Variants in AATF observed in about 807,000 individuals in gnomAD.
AATF encodes protein AATF.
AATF carries 48 observed loss-of-function variants against 63.7 expected under a neutral mutation model. The ratio of observed to expected loss-of-function variants is 0.75; its 90% CI spans 0.60 to 0.96. AATF has a LOEUF of 0.96. AATF is among the 40% of genes least tolerant of loss of function. The probability of loss-of-function intolerance (pLI) is 0.00; values close to 1 mark genes in which losing one functional copy is unlikely to be tolerated. For missense variants in AATF, 639 were observed against 685.7 expected, an observed-to-expected ratio of 0.93 and a Z score of 0.76; for synonymous variants, 258 against 247.7, an observed-to-expected ratio of 1.04 and a Z score of -0.39.
chr17:37,011,874 G>A lies in AATF; in HGVS notation c.1399-7131G>A, dbSNP rs922464375. 5.3e-5 allele frequency among the ~76,000 whole-genome samples: 8 copies of A among 152,138 alleles called. 1 individual carries two copies. The South Asian group carries it at 8.3e-4, about 16-fold the overall frequency. The stretch of plus-strand genomic sequence containing the variant: ...TATTAGGTGGTGGAGTTGTTGGTTC[G>A]GGAGTGAATGGGCAATGTGGAGTGG... On this transcript the variant is annotated intron_variant, in intron 8 of 11. Coordinates refer to ENST00000619387, the MANE Select transcript of AATF (RefSeq NM_012138.4).
Position 37,018,992 on chromosome 17 carries a change from CT to C in AATF, c.1399-8del, listed in dbSNP as rs758996959. ...GATGATAAATAAATTCGTTGCTTTC[CT>C]TTTTCCCCTAGCTCCTTCGAGAACT... On this transcript the variant is annotated splice_polypyrimidine_tract_variant and intron_variant, in intron 8 of 11. Coordinates refer to ENST00000619387, the MANE Select transcript of AATF (RefSeq NM_012138.4). The C allele has an allele frequency of 6.2e-7, 1 of 1,612,852 alleles. No individual in the cohort carries two copies. The highest frequency in any genetic ancestry group is 8.5e-7 in the Non-Finnish European group (1 of 1,178,974).
chr17:36,958,180 TG>T (rs2070917765), intron 4 of AATF, among the ~76,000 whole-genome samples: 1 of 152,044 alleles, frequency 6.6e-6, no homozygotes, highest in East Asian at 1.9e-4. Flanking sequence ...CTTTTTTTTT[TG>T]AGATGGAGTC....
chr17:37,014,612 A>G (rs189780870), intron 8 of AATF, among the ~76,000 whole-genome samples: 301 of 152,216 alleles, frequency 2.0e-3, no homozygotes, highest in African/African-American at 6.5e-3. Context: ...CTGGTGTTCT[A>G]CATTTCATGA....
At chr17:37,043,111 A>G (rs1477567834) in intron 11 of AATF, 3 of 151,634 alleles carry the variant, frequency 2.0e-5, no homozygotes, top group Admixed American at 2.0e-4. Flanking sequence ...CTGTATTCTC[A>G]TCAGTTCTGT....
In AATF at chr17:37,056,707, G is replaced by A. The variant is rs558937924; in HGVS notation, c.*43G>A. On this transcript the variant is annotated 3_prime_UTR_variant, in exon 12 of 12. Coordinates refer to ENST00000619387, the MANE Select transcript of AATF (RefSeq NM_012138.4). ...ACCCAGTGGGCGCCTTGGCTGGTGC[G>A]GCTGCTGGTCCAGATGGAGGAAACC... is the stretch of plus-strand genomic sequence containing the variant. 45 of 1,601,826 alleles carry A rather than the reference G, an allele frequency of 2.8e-5. No individual in the cohort carries two copies. In the East Asian group the frequency reaches 3.3e-4, roughly 12 times the overall value.
At chr17:36,989,670 A>G (rs920149739) in intron 7 of AATF, among the ~76,000 whole-genome samples, 14 of 152,188 alleles carry the variant, frequency 9.2e-5, no homozygotes, top group Non-Finnish European at 2.1e-4. Context: ...AGAAGCATTC[A>G]TAATCCAATT....
At chr17:36,960,035 A>G (rs1317729156) in intron 4 of AATF, among the ~76,000 whole-genome samples, 4 of 151,184 alleles carry the variant, frequency 2.6e-5, no homozygotes, top group African/African-American at 9.8e-5. Flanking sequence ...CCCCCCCGAG[A>G]TGGAGTCTTG....
intron 4 of AATF, among the ~76,000 whole-genome samples, chr17:36,984,961 GCA>G: frequency 6.6e-6 from 1 of 150,804 alleles, no homozygotes; most frequent in Middle Eastern, 3.2e-3. Context: ...GAGTAAAGTG[GCA>G]CAGTCTCAGC....
chr17:37,025,409 CAA>C (rs1337143567), intron 10 of AATF, among the ~76,000 whole-genome samples: 1 of 151,972 alleles, frequency 6.6e-6, no homozygotes, highest in African/African-American at 2.4e-5. Context: ...TACAGAGTGA[CAA>C]GAGTAGAATC....
chr17:36,952,562 A>T (rs1172339628), intron 2 of AATF, among the ~76,000 whole-genome samples: 1 of 152,212 alleles, frequency 6.6e-6, no homozygotes, highest in African/African-American at 2.4e-5. Flanking sequence ...GCTTAAATTC[A>T]CTTGCCCCAC....
chr17:37,037,929 T>C (rs545802418), intron 11 of AATF, among the ~76,000 whole-genome samples: 2 of 152,286 alleles, frequency 1.3e-5, no homozygotes, highest in East Asian at 1.9e-4. Context: ...TCTCTCTTGC[T>C]CCTGCTGTGG....
intron 4 of AATF, among the ~76,000 whole-genome samples, chr17:36,984,179 T>C (rs1486642485): frequency 6.6e-6 from 1 of 152,202 alleles, no homozygotes; most frequent in African/African-American, 2.4e-5. Context: ...AATGTCGGGA[T>C]TGTTGAACGG....
At chr17:36,980,628 T>G (rs879245311) in intron 4 of AATF, among the ~76,000 whole-genome samples, 1 of 152,216 alleles carries the variant, frequency 6.6e-6, no homozygotes, top group Non-Finnish European at 1.5e-5. Flanking sequence ...GTGGTTTTTT[T>G]TTAAATGTGT....
chr17:36,994,931 G>A (rs1193114603), intron 8 of AATF, among the ~76,000 whole-genome samples: 9 of 152,180 alleles, frequency 5.9e-5, no homozygotes, highest in Non-Finnish European at 1.0e-4. Context: ...CAAGATCCTC[G>A]TATTGTGATG....
intron 4 of AATF, among the ~76,000 whole-genome samples, chr17:36,985,481 CTG>C (rs755588755): frequency 7.3e-4 from 109 of 149,556 alleles, no homozygotes; most frequent in Middle Eastern, 3.4e-3. Flanking sequence ...CGGGGTCTCA[CTG>C]TGTTGCTGAG....
At chr17:36,996,119 C>T (rs1341248575) in intron 8 of AATF, among the ~76,000 whole-genome samples, 1 of 152,104 alleles carries the variant, frequency 6.6e-6, no homozygotes, top group Non-Finnish European at 1.5e-5. Context: ...TTAGAGAGAA[C>T]ATATGTATGA....
At chr17:36,973,678 C>T (rs745532530) in intron 4 of AATF, among the ~76,000 whole-genome samples, 11 of 152,248 alleles carry the variant, frequency 7.2e-5, no homozygotes, top group Admixed American at 3.3e-4. Flanking sequence ...GTTCCTTCTC[C>T]TTTAGGCAGG....
At chr17:36,980,537 G>T (rs1234901926) in intron 4 of AATF, 1 of 152,202 alleles carries the variant, frequency 6.6e-6, no homozygotes, top group Admixed American at 6.5e-5. Flanking sequence ...AATTAGAGGT[G>T]AATTAGAAAC....
chr17:36,967,277 CATT>C (rs1433200497), intron 4 of AATF, among the ~76,000 whole-genome samples: 1 of 152,144 alleles, frequency 6.6e-6, no homozygotes, highest in African/African-American at 2.4e-5. Context: ...TCAGTATTTA[CATT>C]ATTATGTCTG....
Sources: allele counts gnomAD v4.1 joint callset (sites outside exome capture counted in the v4.1 genomes callset), GRCh38; gene constraint gnomAD v4.1.1; transcripts MANE v1.5; gene names NCBI Gene and HGNC (gene_info 2026-07-23, HGNC 2026-07-21).